Variants in RALYL observed in about 807,000 individuals in gnomAD.
RALYL encodes RNA-binding Raly-like protein.
A neutral mutation model predicts 35.1 loss-of-function variants in RALYL; 29 were observed. That is an observed-to-expected ratio of 0.83 (90% confidence interval 0.61 to 1.13). RALYL has a LOEUF of 1.13. Ranked by LOEUF, RALYL falls within the 50% of genes most tolerant of loss-of-function variation. The pLI, the probability that RALYL is intolerant of heterozygous loss-of-function variation, is 0.00. For missense variants in RALYL, 359 were observed against 360.4 expected (o/e 1.00, Z 0.03); for synonymous variants, 120 against 127.6 (o/e 0.94, Z 0.40).
intron 3 of RALYL, among the ~76,000 whole-genome samples, chr8:84,803,113 C>T (rs1282603852): frequency 6.6e-6 from 1 of 152,138 alleles, no homozygotes; most frequent in Non-Finnish European, 1.5e-5. Context: ...TGGAGAGTAG[C>T]ACTTCAAACA....
chr8:84,889,305 T>C (rs867229905), intron 8 of RALYL, among the ~76,000 whole-genome samples: 5 of 152,222 alleles, frequency 3.3e-5, no homozygotes, highest in African/African-American at 1.2e-4. Flanking sequence ...CAGGATTCCA[T>C]TGTGACTACA....
chr8:84,637,506 A>G (rs1040866197), intron 2 of RALYL, among the ~76,000 whole-genome samples: 20 of 151,922 alleles, frequency 1.3e-4, no homozygotes, highest in Non-Finnish European at 5.9e-5. Flanking sequence ...AGAGTGAGTT[A>G]TGGTAGAAAG....
At chr8:84,844,946 C>T (rs1315481144) in intron 4 of RALYL, among the ~76,000 whole-genome samples, 4 of 151,192 alleles carry the variant, frequency 2.6e-5, no homozygotes, top group African/African-American at 4.9e-5. Flanking sequence ...GGAAGGGGAA[C>T]ATCACACACC....
At chr8:84,379,574 A>C (rs1207357145) in intron 1 of RALYL, among the ~76,000 whole-genome samples, 3 of 151,920 alleles carry the variant, frequency 2.0e-5, no homozygotes, top group Non-Finnish European at 4.4e-5. Flanking sequence ...TAAAACAACA[A>C]ATAATATTTA....
chr8:84,462,149 A>G (rs1002622796), intron 1 of RALYL, among the ~76,000 whole-genome samples: 10 of 150,514 alleles, frequency 6.6e-5, no homozygotes, highest in African/African-American at 2.4e-4. Flanking sequence ...TATTTTAGCC[A>G]TTCTAAGGTG....
chr8:84,818,396 T>C (rs941705663), intron 4 of RALYL, among the ~76,000 whole-genome samples: 8 of 151,934 alleles, frequency 5.3e-5, no homozygotes, highest in African/African-American at 1.9e-4. Context: ...ATTAGGAAAA[T>C]TTCCAAGACA....
intron 2 of RALYL, among the ~76,000 whole-genome samples, chr8:84,572,133 G>T (rs1428105710): frequency 6.6e-6 from 1 of 151,744 alleles, no homozygotes; most frequent in Non-Finnish European, 1.5e-5. Context: ...TCCAGTTTAA[G>T]TCCAAAGTTG....
chr8:84,484,378 G>T (rs950258961), intron 1 of RALYL, among the ~76,000 whole-genome samples: 1 of 152,034 alleles, frequency 6.6e-6, no homozygotes, highest in African/African-American at 2.4e-5. Context: ...GTATGACAGA[G>T]ATATATTTTA....
intron 2 of RALYL, among the ~76,000 whole-genome samples, chr8:84,755,202 G>A (rs1811079230): frequency 6.6e-6 from 1 of 152,122 alleles, no homozygotes; most frequent in Admixed American, 6.6e-5. Flanking sequence ...AATAATGCTG[G>A]TGTGGCCCAT....
At chr8:84,352,864 T>C (rs1202847358) in intron 1 of RALYL, among the ~76,000 whole-genome samples, 2 of 150,162 alleles carry the variant, frequency 1.3e-5, no homozygotes, top group Non-Finnish European at 3.0e-5. Flanking sequence ...AGCTCTGGAC[T>C]GCAAATCTTA....
chr8:84,644,630 A>G (rs539353452), intron 2 of RALYL, among the ~76,000 whole-genome samples: 31 of 152,196 alleles, frequency 2.0e-4, no homozygotes, highest in African/African-American at 7.2e-4. Context: ...CTTTATCTGC[A>G]ACAGGATTCC....
At chr8:84,535,466 C>T (rs1307708230) in intron 2 of RALYL, among the ~76,000 whole-genome samples, 71 of 143,454 alleles carry the variant, frequency 4.9e-4, no homozygotes, top group African/African-American at 1.6e-3. Flanking sequence ...GACGGAGTCT[C>T]GCTCTGTCGC....
At chr8:84,601,271 T>C (rs116530877) in intron 2 of RALYL, among the ~76,000 whole-genome samples, 1 of 152,254 alleles carries the variant, frequency 6.6e-6, no homozygotes, top group African/African-American at 2.4e-5. Context: ...AGACAAGTTA[T>C]GGCCCCAGAT....
intron 1 of RALYL, among the ~76,000 whole-genome samples, chr8:84,305,959 T>C (rs560388786): frequency 6.6e-6 from 1 of 152,140 alleles, no homozygotes; most frequent in South Asian, 2.1e-4. Flanking sequence ...GGTCAGGAGA[T>C]CAAGACCATC....
intron 4 of RALYL, among the ~76,000 whole-genome samples, chr8:84,820,501 C>G (rs1047862584): frequency 1.3e-5 from 2 of 152,130 alleles, no homozygotes; most frequent in African/African-American, 4.8e-5. Flanking sequence ...GTTACCAGTA[C>G]TGTTTTCAAG....
At chr8:84,735,269 CAG>C (rs986684613) in intron 2 of RALYL, among the ~76,000 whole-genome samples, 2 of 151,882 alleles carry the variant, frequency 1.3e-5, no homozygotes, top group African/African-American at 4.8e-5. Flanking sequence ...GGACCTAAAA[CAG>C]TGTCTGCCAC....
At chr8:84,824,793 G>C (rs1000237608) in intron 4 of RALYL, among the ~76,000 whole-genome samples, 3 of 152,144 alleles carry the variant, frequency 2.0e-5, no homozygotes, top group Non-Finnish European at 4.4e-5. Flanking sequence ...ATGGTGTTGG[G>C]ATAGCTGGCT....
At position 84,413,510 on chromosome 8, in the gene RALYL, T is replaced by C. The variant is rs188156777; in HGVS notation, c.-23-115789T>C. Among the ~76,000 whole-genome samples, 230 of 152,134 alleles carry C rather than the reference T, an allele frequency of 1.5e-3. 2 individuals are homozygous for C. The highest frequency in any genetic ancestry group is 4.5e-3 in the African/African-American group (185 of 41,546). On this transcript the variant is annotated intron_variant, in intron 1 of 8. Coordinates refer to ENST00000521268, the MANE Select transcript of RALYL (RefSeq NM_173848.7). ...GGTTTGGGATGAGCTGTGTAACTTA[T>C]TTGGACATGTGAACATCTTTCACTA...
chr8:84,759,963 A>G (rs1288434017), intron 2 of RALYL, among the ~76,000 whole-genome samples: 1 of 152,130 alleles, frequency 6.6e-6, no homozygotes, highest in African/African-American at 2.4e-5. Context: ...CCCAGCATAA[A>G]CATCAAGACT....
Sources: allele counts gnomAD v4.1 joint callset (sites outside exome capture counted in the v4.1 genomes callset), GRCh38; gene constraint gnomAD v4.1.1; transcripts MANE v1.5; gene names NCBI Gene and HGNC (gene_info 2026-07-23, HGNC 2026-07-21).